GPM6A: variants seen among roughly 807,000 people sequenced by gnomAD.
The protein encoded by GPM6A is neuronal membrane glycoprotein M6-a.
Under a neutral mutation model 32.1 loss-of-function variants are expected in GPM6A, and 7 were observed. The observed-to-expected ratio is 0.22, with a 90% confidence interval of 0.12 to 0.41. The LOEUF (loss-of-function observed/expected upper bound fraction) is 0.41. Among genes scored for constraint, GPM6A ranks in the 10% least tolerant of loss-of-function variants. The pLI is 1.00. For missense variants in GPM6A, 235 were observed against 347.2 expected, an observed-to-expected ratio of 0.68 and a Z score of 2.57; for synonymous variants, 130 against 123.4, an observed-to-expected ratio of 1.05 and a Z score of -0.35.
chr4:175,837,343 A>G (rs77322101), intron 1 of GPM6A, among the ~76,000 whole-genome samples: 1,886 of 152,232 alleles, frequency 0.012, 44 homozygotes, highest in African/African-American at 0.043. Context: ...CTGTAAGGCA[A>G]TGCATGTGAT....
At chr4:175,989,817 T>G (rs1441583949) in intron 1 of GPM6A, among the ~76,000 whole-genome samples, 1 of 152,188 alleles carries the variant, frequency 6.6e-6, no homozygotes, top group Non-Finnish European at 1.5e-5. Flanking sequence ...TAAAGCCTTG[T>G]CTGGAGGTTC....
intron 1 of GPM6A, among the ~76,000 whole-genome samples, chr4:175,908,468 A>G (rs953593288): frequency 6.6e-6 from 1 of 152,168 alleles, no homozygotes; most frequent in Non-Finnish European, 1.5e-5. Flanking sequence ...CCTGGCTTTA[A>G]TTTGAACACA....
chr4:175,989,587 C>G (rs2126457597), intron 1 of GPM6A, among the ~76,000 whole-genome samples: 1 of 152,004 alleles, frequency 6.6e-6, no homozygotes, highest in Non-Finnish European at 1.5e-5. Context: ...TGTTGGTATC[C>G]TGCAATTACC....
chr4:175,993,239 T>C (rs1741206268), intron 1 of GPM6A, among the ~76,000 whole-genome samples: 2 of 151,864 alleles, frequency 1.3e-5, no homozygotes, highest in South Asian at 4.2e-4. Context: ...GACTTGTATC[T>C]TCACTCCTTT....
intron 2 of GPM6A, among the ~76,000 whole-genome samples, chr4:175,685,519 T>C (rs1429548118): frequency 6.6e-6 from 1 of 152,194 alleles, no homozygotes; most frequent in African/African-American, 2.4e-5. Flanking sequence ...GATTTTTACA[T>C]GTAAATTTTA....
Position 175,944,934 on chromosome 4 carries a change from T to TTTTTTTG in GPM6A, c.-23+57368_-23+57374dup, listed in dbSNP as rs1216069573. 1.4e-4 allele frequency among the ~76,000 whole-genome samples: 21 copies of TTTTTTTG among 152,318 alleles called. No individual in the cohort carries two copies. The South Asian group carries it at 2.1e-3, about 15-fold the overall frequency. The stretch of plus-strand genomic sequence containing the variant: ...CTCGAATCATTAGTCTTCATGTACA[T>TTTTTTTG]TTTTTTGTTTTTTGTTTTTTGTTTT... On this transcript the variant is annotated intron_variant, in intron 1 of 7. Transcript: ENST00000280187.
intron 1 of GPM6A, among the ~76,000 whole-genome samples, chr4:175,804,978 G>A (rs373653272): frequency 3.9e-5 from 6 of 152,080 alleles, no homozygotes; most frequent in Admixed American, 6.6e-5. Flanking sequence ...CTGGGAGGTC[G>A]AGCTTGCAGT....
At chr4:175,647,010 C>A (rs1369886679) in intron 4 of GPM6A, among the ~76,000 whole-genome samples, 1 of 152,200 alleles carries the variant, frequency 6.6e-6, no homozygotes, top group African/African-American at 2.4e-5. Context: ...TTCTGTGTGG[C>A]GAGCACTGTG....
At chr4:175,936,176 G>C (rs1038775758) in intron 1 of GPM6A, among the ~76,000 whole-genome samples, 1 of 150,542 alleles carries the variant, frequency 6.6e-6, no homozygotes, top group Non-Finnish European at 1.5e-5. Context: ...CTTGGTGGCG[G>C]GCGCCTGTAG....
At chr4:175,840,840 C>T (rs1229380196) in intron 1 of GPM6A, among the ~76,000 whole-genome samples, 3 of 151,998 alleles carry the variant, frequency 2.0e-5, no homozygotes, top group East Asian at 1.9e-4. Context: ...AACAGGAGAA[C>T]GGTAGAAAAT....
chr4:175,805,746 T>C (rs1425425746), intron 1 of GPM6A, among the ~76,000 whole-genome samples: 1 of 152,212 alleles, frequency 6.6e-6, no homozygotes, highest in African/African-American at 2.4e-5. Context: ...CCGACAGTCA[T>C]TCTTCCTTTT....
At chr4:175,822,659 T>TC (rs1284939244) in intron 1 of GPM6A, among the ~76,000 whole-genome samples, 1 of 42,936 alleles carries the variant, frequency 2.3e-5, no homozygotes, top group Non-Finnish European at 9.8e-5. Flanking sequence ...TGCTTTTTTT[T>TC]TTGTTTTTTG....
At chr4:175,824,592 G>GATA (rs1347563936) in intron 1 of GPM6A, among the ~76,000 whole-genome samples, 10 of 151,918 alleles carry the variant, frequency 6.6e-5, no homozygotes, top group Admixed American at 4.6e-4. Flanking sequence ...TGTCATTGTG[G>GATA]TCAGAAACCA....
chr4:175,990,417 G>A (rs1428380677), intron 1 of GPM6A, among the ~76,000 whole-genome samples: 1 of 152,124 alleles, frequency 6.6e-6, no homozygotes, highest in East Asian at 1.9e-4. Context: ...AGATCTCTGT[G>A]TCTTACAGAT....
chr4:175,903,285 GAA>G lies in GPM6A; in HGVS notation c.-22-91038_-22-91037del, dbSNP rs11368050. On this transcript the variant is annotated intron_variant, in intron 1 of 7. Transcript: ENST00000280187. ...TAACTCTAATAGATTGTAATTCATT[GAA>G]AAAAAAAGAATCAATGAGTAAATTA... Among the ~76,000 whole-genome samples, 51 of 151,206 alleles carry G rather than the reference GAA, an allele frequency of 3.4e-4. 1 individual carries two copies. The highest frequency in any genetic ancestry group is 3.4e-3 in the Admixed American group (51 of 15,168).
intron 1 of GPM6A, among the ~76,000 whole-genome samples, chr4:175,947,285 GA>G (rs1739640099): frequency 6.6e-6 from 1 of 151,630 alleles, no homozygotes. Context: ...TTTAGCATTA[GA>G]AAATCTTCCT....
At chr4:175,971,898 ATC>A (rs1740514108) in intron 1 of GPM6A, 1 of 152,116 alleles carries the variant, frequency 6.6e-6, no homozygotes, top group Non-Finnish European at 1.5e-5. Flanking sequence ...CAGTGATGGG[ATC>A]TCTTGCTTTT....
chr4:176,001,149 T>C (rs1164713052), intron 1 of GPM6A, among the ~76,000 whole-genome samples: 1 of 152,166 alleles, frequency 6.6e-6, no homozygotes, highest in Non-Finnish European at 1.5e-5. Flanking sequence ...AAGCATCCCC[T>C]AACCCTTGAG....
At chr4:175,745,727 T>C (rs946723327) in intron 1 of GPM6A, among the ~76,000 whole-genome samples, 3 of 152,158 alleles carry the variant, frequency 2.0e-5, no homozygotes, top group Non-Finnish European at 4.4e-5. Context: ...ACACAAAATA[T>C]TCAACATGCT....
Sources: allele counts gnomAD v4.1 joint callset (sites outside exome capture counted in the v4.1 genomes callset), GRCh38; gene constraint gnomAD v4.1.1; transcripts MANE v1.5; gene names NCBI Gene and HGNC (gene_info 2026-07-23, HGNC 2026-07-21).